RAD51B: variants seen among roughly 807,000 people sequenced by gnomAD.
RAD51B encodes the protein RAD51 paralog B.
In RAD51B, 38 loss-of-function variants were observed where a neutral mutation model predicts 42.2. That is an observed-to-expected ratio of 0.90 (90% CI 0.70 to 1.18). The LOEUF (loss-of-function observed/expected upper bound fraction) is 1.18. Among genes scored for constraint, RAD51B ranks in the 50% most tolerant of loss-of-function variants. The probability of loss-of-function intolerance (pLI) is 0.00; values close to 1 mark genes in which losing one functional copy is unlikely to be tolerated. For synonymous variants in RAD51B, 154 were observed against 145.2 expected, an observed-to-expected ratio of 1.06 and a Z score of -0.43; for missense variants, 373 against 400.7, an observed-to-expected ratio of 0.93 and a Z score of 0.59.
At chr14:68,497,079 C>CT in intron 10 of RAD51B, 1 of 1,347,084 alleles carries the variant, frequency 7.4e-7, no homozygotes. Flanking sequence ...CCTTCAACAT[C>CT]TTTTTCTAGG....
At chr14:68,404,742 G>A (rs1380444226) in intron 8 of RAD51B, among the ~76,000 whole-genome samples, 1 of 152,176 alleles carries the variant, frequency 6.6e-6, no homozygotes, top group East Asian at 1.9e-4. Flanking sequence ...AGTTGAGTGA[G>A]ATTAAGTAAC....
chr14:68,081,536 A>G (rs575392062), intron 7 of RAD51B, among the ~76,000 whole-genome samples: 1 of 152,378 alleles, frequency 6.6e-6, no homozygotes, highest in Non-Finnish European at 1.5e-5. Context: ...CTGTGTTTAT[A>G]TGTACTTCCT....
intron 10 of RAD51B, among the ~76,000 whole-genome samples, chr14:68,509,838 A>G (rs1885598230): frequency 1.3e-5 from 2 of 152,258 alleles, no homozygotes; most frequent in Admixed American, 1.3e-4. Flanking sequence ...CTTTATTTAC[A>G]TCGGGCTGCA....
At chr14:68,167,482 T>A (rs1487495195) in intron 7 of RAD51B, among the ~76,000 whole-genome samples, 1 of 152,160 alleles carries the variant, frequency 6.6e-6, no homozygotes, top group African/African-American at 2.4e-5. Context: ...GATTATGTCT[T>A]GTTTATTTTT....
chr14:68,181,132 G>A lies in RAD51B; in HGVS notation c.757-110752G>A, dbSNP rs17105103. Reference sequence around the variant, plus strand: ...TTGAAGGTGGGTTTTAGTCTTGACCGTGTGCCACAGCAAACAAAATGAAAC... The same window carrying A: ...TTGAAGGTGGGTTTTAGTCTTGACCATGTGCCACAGCAAACAAAATGAAAC... On this transcript the variant is annotated intron_variant, in intron 7 of 10. Transcript: ENST00000471583. Among the ~76,000 whole-genome samples, 1,125 of 152,288 alleles carry A rather than the reference G, an allele frequency of 7.4e-3. 14 individuals are homozygous for A. Among genetic ancestry groups the A allele is most frequent in the African/African-American group, 0.026 (1,082 of 41,548 alleles).
At chr14:68,289,932 G>C (rs1412066579) in intron 7 of RAD51B, among the ~76,000 whole-genome samples, 2 of 152,158 alleles carry the variant, frequency 1.3e-5, no homozygotes, top group Non-Finnish European at 2.9e-5. Context: ...TATTGCTGCA[G>C]AGTGACTGGA....
chr14:68,511,877 AATTCATTCATTC>A (rs58039012), intron 10 of RAD51B, among the ~76,000 whole-genome samples: 2 of 152,026 alleles, frequency 1.3e-5, no homozygotes, highest in Non-Finnish European at 1.5e-5. Flanking sequence ...TTGATATTGT[AATTCATTCATTC>A]ATTCATTCAT....
chr14:67,858,337 C>T (rs1412124837), intron 4 of RAD51B, among the ~76,000 whole-genome samples: 2 of 152,232 alleles, frequency 1.3e-5, no homozygotes, highest in South Asian at 2.1e-4. Flanking sequence ...AATGACTCTC[C>T]GTGGAGAGGA....
At chr14:68,584,916 C>T (rs1041456586) in intron 10 of RAD51B, among the ~76,000 whole-genome samples, 1 of 152,186 alleles carries the variant, frequency 6.6e-6, no homozygotes, top group Non-Finnish European at 1.5e-5. Context: ...GTTGTTGTAA[C>T]TTGCCAGGCA....
At chr14:68,523,933 A>T (rs894715782) in intron 10 of RAD51B, among the ~76,000 whole-genome samples, 2 of 152,234 alleles carry the variant, frequency 1.3e-5, no homozygotes, top group Non-Finnish European at 2.9e-5. Context: ...CTCAAAATGG[A>T]GTGAATATCA....
At position 68,502,759 on chromosome 14, in the gene RAD51B, G is replaced by A. The variant is rs115808218; in HGVS notation, c.1036+34509G>A. Reference sequence around the variant, plus strand: ...AATTTAAAGTGTGTTGGCCTCTGCGGTGCCTATTCAAGGGCTCCCTTGCAT... The same window carrying A: ...AATTTAAAGTGTGTTGGCCTCTGCGATGCCTATTCAAGGGCTCCCTTGCAT... On this transcript the variant is annotated intron_variant, in intron 10 of 10. Transcript: ENST00000487270. Among the ~76,000 whole-genome samples the A allele has an allele frequency of 4.2e-3, 641 of 152,292 alleles. 2 individuals are homozygous for A. The highest frequency in any genetic ancestry group is 0.015 in the African/African-American group (603 of 41,570).
intron 8 of RAD51B, among the ~76,000 whole-genome samples, chr14:68,341,236 A>C (rs980482729): frequency 1.2e-4 from 19 of 152,214 alleles, no homozygotes; most frequent in Non-Finnish European, 2.5e-4. Context: ...TGAAGGGTTG[A>C]GTTATATGCA....
At chr14:68,667,996 A>G (rs1484608236) in intron 11 of RAD51B, among the ~76,000 whole-genome samples, 2 of 152,200 alleles carry the variant, frequency 1.3e-5, no homozygotes, top group African/African-American at 4.8e-5. Context: ...AGGCAGATGT[A>G]AAGAAGCACT....
chr14:68,121,770 A>T (rs933667711), intron 7 of RAD51B, among the ~76,000 whole-genome samples: 2 of 152,172 alleles, frequency 1.3e-5, no homozygotes, highest in African/African-American at 4.8e-5. Flanking sequence ...ACAAAAATAA[A>T]AGAATTCATA....
At chr14:68,659,409 T>C in intron 11 of RAD51B, among the ~76,000 whole-genome samples, 1 of 152,130 alleles carries the variant, frequency 6.6e-6, no homozygotes, top group Middle Eastern at 3.2e-3. Flanking sequence ...TTCATCTCAG[T>C]CATTTACTCT....
intron 9 of RAD51B, among the ~76,000 whole-genome samples, chr14:68,428,540 C>T (rs1171428989): frequency 6.6e-6 from 1 of 151,466 alleles, no homozygotes. Context: ...TCCACTTCTC[C>T]CAATCCCTGG....
At chr14:68,520,079 G>A (rs1886463571) in intron 10 of RAD51B, among the ~76,000 whole-genome samples, 1 of 151,816 alleles carries the variant, frequency 6.6e-6, no homozygotes, top group African/African-American at 2.4e-5. Flanking sequence ...GCTGGGGTTT[G>A]GACCCCAATT....
intron 7 of RAD51B, among the ~76,000 whole-genome samples, chr14:68,013,001 G>A (rs1479350030): frequency 6.6e-6 from 1 of 152,162 alleles, no homozygotes; most frequent in Non-Finnish European, 1.5e-5. Context: ...GTGGCACAAA[G>A]CAATCAGTTA....
intron 8 of RAD51B, among the ~76,000 whole-genome samples, chr14:68,357,350 C>T (rs983353916): frequency 2.1e-4 from 32 of 152,244 alleles, no homozygotes; most frequent in African/African-American, 7.0e-4. Flanking sequence ...TTGCTATTTC[C>T]GCCACATCTG....
Sources: gnomAD v4.1 joint callset for allele counts (sites outside exome capture counted in the v4.1 genomes callset) on GRCh38, gnomAD v4.1.1 for gene constraint, MANE v1.5 for transcripts, NCBI Gene and HGNC (gene_info 2026-07-23, HGNC 2026-07-21) for gene names.